CNTNAP2: variants seen among roughly 807,000 people sequenced by gnomAD.
CNTNAP2 encodes contactin-associated protein-like 2.
In CNTNAP2, 98 loss-of-function variants were observed where a neutral mutation model predicts 155.2. The ratio of observed to expected loss-of-function variants is 0.63; its 90% CI spans 0.54 to 0.75. The LOEUF (loss-of-function observed/expected upper bound fraction) is 0.75. CNTNAP2 is among the 30% of genes least tolerant of loss of function. The probability of loss-of-function intolerance (pLI) is 0.00; values close to 1 mark genes in which losing one functional copy is unlikely to be tolerated. For synonymous variants in CNTNAP2, 651 were observed against 631.2 expected (o/e 1.03, Z -0.47); for missense variants, 1,727 against 1,688.1 (o/e 1.02, Z -0.40).
At chr7:147,947,247 T>C (rs1800836694) in intron 14 of CNTNAP2, among the ~76,000 whole-genome samples, 2 of 152,050 alleles carry the variant, frequency 1.3e-5, no homozygotes, top group Non-Finnish European at 2.9e-5. Flanking sequence ...TAATCTTTCC[T>C]GGTTGTTTGA....
rs192663454 is a variant in CNTNAP2 at position 147,853,840 on chromosome 7, C to G, written c.2099-49725C>G. 2.0e-5 allele frequency among the ~76,000 whole-genome samples: 3 copies of G among 152,228 alleles called. No homozygotes were observed. The East Asian group carries it at 5.8e-4, about 29-fold the overall frequency. ...TTATATAAAGTGCTTTGTTAAGACTCAAAACATTTTTAAGCATGTTTATGC... is the reference window on the plus strand; with the variant it reads ...TTATATAAAGTGCTTTGTTAAGACTGAAAACATTTTTAAGCATGTTTATGC... On this transcript the variant is annotated intron_variant, in intron 13 of 23. Transcript: ENST00000361727.
intron 18 of CNTNAP2, among the ~76,000 whole-genome samples, chr7:148,185,630 A>T (rs1174702874): frequency 6.6e-6 from 1 of 152,198 alleles, no homozygotes; most frequent in Non-Finnish European, 1.5e-5. Context: ...GTCCATTGCT[A>T]GTCACTTTTT....
intron 1 of CNTNAP2, among the ~76,000 whole-genome samples, chr7:146,622,179 A>G (rs1799331788): frequency 1.3e-5 from 2 of 151,660 alleles, no homozygotes; most frequent in South Asian, 4.1e-4. Context: ...ACGTATATAT[A>G]TACACATATA....
chr7:147,242,571 T>C (rs1803961586), intron 8 of CNTNAP2, among the ~76,000 whole-genome samples: 1 of 152,214 alleles, frequency 6.6e-6, no homozygotes, highest in Non-Finnish European at 1.5e-5. Flanking sequence ...TTGCATCTTA[T>C]TGCCAGCTTT....
intron 22 of CNTNAP2, among the ~76,000 whole-genome samples, chr7:148,389,126 G>A (rs1415252049): frequency 6.6e-6 from 1 of 152,220 alleles, no homozygotes; most frequent in Non-Finnish European, 1.5e-5. Flanking sequence ...GCTGTAGACT[G>A]GAGCTGTTCC....
chr7:147,091,828 G>A (rs758716463), intron 4 of CNTNAP2, among the ~76,000 whole-genome samples: 1 of 152,074 alleles, frequency 6.6e-6, no homozygotes, highest in Non-Finnish European at 1.5e-5. Context: ...GGATGATCTC[G>A]ATCTCCTGAC....
chr7:147,735,281 T>C (rs146719597), intron 13 of CNTNAP2, among the ~76,000 whole-genome samples: 1,675 of 152,220 alleles, frequency 0.011, 94 homozygotes, highest in Admixed American at 0.087. Context: ...TATTATGTAC[T>C]TAGTAGTCAT....
intron 2 of CNTNAP2, among the ~76,000 whole-genome samples, chr7:146,791,129 C>T (rs1454423395): frequency 6.6e-6 from 1 of 151,814 alleles, no homozygotes; most frequent in East Asian, 1.9e-4. Flanking sequence ...TCCGATGTTC[C>T]CCTCCCTGTG....
chr7:147,764,608 G>GA lies in CNTNAP2; in HGVS notation c.2098+125310dup, dbSNP rs1269404350. Among the ~76,000 whole-genome samples the GA allele has an allele frequency of 1.6e-4, 25 of 151,636 alleles. No homozygotes were observed. The South Asian group carries it at 2.3e-3, about 14-fold the overall frequency. On this transcript the variant is annotated intron_variant, in intron 13 of 23. Transcript: ENST00000361727. ...CATAAATTCAAAAGGTTGAATGTAG[G>GA]AAAAAAAATGGTGAGTCAATATAAT...
intron 1 of CNTNAP2, among the ~76,000 whole-genome samples, chr7:146,393,121 G>A (rs1795569207): frequency 1.3e-5 from 2 of 152,116 alleles, no homozygotes; most frequent in Admixed American, 6.6e-5. Flanking sequence ...TGCATACATT[G>A]TTAGTATTTT....
intron 9 of CNTNAP2, among the ~76,000 whole-genome samples, chr7:147,379,658 C>A (rs549799975): frequency 4.0e-4 from 61 of 151,890 alleles, no homozygotes; most frequent in African/African-American, 1.4e-3. Context: ...AGATAAAATA[C>A]AGACAAATTT....
intron 1 of CNTNAP2, among the ~76,000 whole-genome samples, chr7:146,206,361 T>G (rs1307976746): frequency 1.3e-5 from 2 of 151,934 alleles, no homozygotes; most frequent in Admixed American, 6.6e-5. Context: ...CTGAAACGTA[T>G]CATTTCAAAT....
intron 21 of CNTNAP2, among the ~76,000 whole-genome samples, chr7:148,353,483 C>G (rs1798463052): frequency 6.6e-6 from 1 of 152,190 alleles, no homozygotes; most frequent in Non-Finnish European, 1.5e-5. Flanking sequence ...GTGGCAAAAC[C>G]TCCTCTACAT....
chr7:146,128,248 T>C (rs978772179), intron 1 of CNTNAP2, among the ~76,000 whole-genome samples: 41 of 152,326 alleles, frequency 2.7e-4, no homozygotes, highest in African/African-American at 9.4e-4. Context: ...TGTTTCATCA[T>C]ATTAGGTACT....
At chr7:146,326,497 A>C (rs532988285) in intron 1 of CNTNAP2, among the ~76,000 whole-genome samples, 1 of 152,260 alleles carries the variant, frequency 6.6e-6, no homozygotes, top group East Asian at 1.9e-4. Context: ...ATAGCCCTCA[A>C]TCCATGTAGG....
intron 12 of CNTNAP2, among the ~76,000 whole-genome samples, chr7:147,609,500 C>T (rs1204334676): frequency 6.6e-6 from 1 of 152,074 alleles, no homozygotes; most frequent in Non-Finnish European, 1.5e-5. Context: ...CACTGCACTC[C>T]AGCCTGGGTG....
intron 14 of CNTNAP2, among the ~76,000 whole-genome samples, chr7:147,969,456 T>A (rs1368400505): frequency 6.6e-6 from 1 of 152,118 alleles, no homozygotes; most frequent in African/African-American, 2.4e-5. Flanking sequence ...AGTGATTGCA[T>A]GTTGGTTTGG....
intron 10 of CNTNAP2, among the ~76,000 whole-genome samples, chr7:147,443,335 G>A (rs776210916): frequency 9.9e-5 from 15 of 152,106 alleles, no homozygotes; most frequent in South Asian, 2.1e-4. Context: ...ATTGCTGCAC[G>A]CTGTCTCTCT....
At chr7:146,495,107 G>A (rs187838253) in intron 1 of CNTNAP2, among the ~76,000 whole-genome samples, 1 of 152,330 alleles carries the variant, frequency 6.6e-6, no homozygotes. Flanking sequence ...ATAAAATGAT[G>A]AGTGAGGTTG....
Sources: gnomAD v4.1 joint callset for allele counts (sites outside exome capture counted in the v4.1 genomes callset) on GRCh38, gnomAD v4.1.1 for gene constraint, MANE v1.5 for transcripts, NCBI Gene and HGNC (gene_info 2026-07-23, HGNC 2026-07-21) for gene names.